The following ZMYM4 variants were observed in gnomAD, a reference collection of about 807,000 sequenced individuals.
The protein encoded by ZMYM4 is zinc finger MYM-type protein 4.
ZMYM4 carries 31 observed loss-of-function variants against 183.2 expected under a neutral mutation model. The observed-to-expected ratio is 0.17, with a 90% confidence interval of 0.13 to 0.23. The LOEUF (loss-of-function observed/expected upper bound fraction) is 0.23, where lower values mean the gene tolerates loss of function less well. Ranked by LOEUF, ZMYM4 falls within the 10% of genes least tolerant of loss-of-function variation. The probability of loss-of-function intolerance (pLI) is 1.00; values close to 1 mark genes in which losing one functional copy is unlikely to be tolerated. For missense variants in ZMYM4, 1,273 were observed against 1,840.3 expected (o/e 0.69, Z 5.64); for synonymous variants, 592 against 631.2 (o/e 0.94, Z 0.93).
Position 35,404,284 on chromosome 1 carries a change from C to T in ZMYM4, c.3529-739C>T, listed in dbSNP as rs549642149. On this transcript the variant is annotated intron_variant, in intron 23 of 29. Transcript: ENST00000314607. ...CTTGCCATGTTGCCCAGGCTTATTT[C>T]GAACTCCTGGGCTCAGTCTGCCCAC... Among the ~76,000 whole-genome samples the T allele has an allele frequency of 4.1e-4, 63 of 152,226 alleles. No individual in the cohort carries two copies. The South Asian group carries it at 0.013, about 31-fold the overall frequency.
intron 23 of ZMYM4, 83 bp downstream of exon 23, chr1:35,399,659 G>GGCTGTTACAGAGTTT: frequency 7.0e-7 from 1 of 1,431,934 alleles, no homozygotes; most frequent in Non-Finnish European, 9.7e-7. Context: ...TCAAAACTCT[G>GGCTGTTACAGAGTTT]TAACAGCCAG....
chr1:35,304,813 A>G (rs1194773107), intron 1 of ZMYM4, among the ~76,000 whole-genome samples: 3 of 150,104 alleles, frequency 2.0e-5, no homozygotes, highest in Non-Finnish European at 3.0e-5. Flanking sequence ...ATGGTCCAGC[A>G]TATAGTGTAT....
intron 9 of ZMYM4, among the ~76,000 whole-genome samples, chr1:35,382,648 C>T (rs566311973): frequency 1.9e-4 from 29 of 152,104 alleles, no homozygotes; most frequent in African/African-American, 6.5e-4. Flanking sequence ...TTTCACTATA[C>T]TGGCCAGGCT....
At chr1:35,378,711 T>C (rs568902061) in intron 7 of ZMYM4, among the ~76,000 whole-genome samples, 1 of 152,338 alleles carries the variant, frequency 6.6e-6, no homozygotes, top group African/African-American at 2.4e-5. Context: ...AAGCATTGAT[T>C]TCTCTCTGGC....
At chr1:35,386,235 A>G (rs1238766085) in intron 11 of ZMYM4, 46 bp downstream of exon 11, 2 of 1,375,266 alleles carry the variant, frequency 1.5e-6, no homozygotes, top group Non-Finnish European at 2.1e-6. Flanking sequence ...TGAGTCACCT[A>G]CTGTATGAGT....
intron 2 of ZMYM4, among the ~76,000 whole-genome samples, chr1:35,332,198 C>A (rs1030742568): frequency 2.0e-5 from 3 of 152,038 alleles, no homozygotes; most frequent in African/African-American, 7.2e-5. Context: ...AGAAATTTGA[C>A]ATTGTTAATC....
At chr1:35,380,922 A>G (rs1644444174) in intron 7 of ZMYM4, among the ~76,000 whole-genome samples, 1 of 152,210 alleles carries the variant, frequency 6.6e-6, no homozygotes, top group African/African-American at 2.4e-5. Context: ...AATATTTTGA[A>G]AATACAGATA....
intron 7 of ZMYM4, among the ~76,000 whole-genome samples, chr1:35,373,705 T>G (rs538545371): frequency 6.8e-6 from 1 of 146,836 alleles, no homozygotes; most frequent in African/African-American, 2.5e-5. Flanking sequence ...GCACGGCTAA[T>G]TTTTTATATG....
chr1:35,343,475 T>C (rs1373372009), intron 2 of ZMYM4, among the ~76,000 whole-genome samples: 1 of 152,178 alleles, frequency 6.6e-6, no homozygotes, highest in Non-Finnish European at 1.5e-5. Flanking sequence ...TTGACCAATG[T>C]TTTTGAGTCT....
At chr1:35,286,333 T>C (rs1036649062) in intron 1 of ZMYM4, among the ~76,000 whole-genome samples, 1 of 152,044 alleles carries the variant, frequency 6.6e-6, no homozygotes, top group East Asian at 1.9e-4. Context: ...AACACCTGTA[T>C]CCCTTTGACT....
chr1:35,373,698 C>T (rs919071375), intron 7 of ZMYM4, among the ~76,000 whole-genome samples: 8 of 146,704 alleles, frequency 5.5e-5, no homozygotes, highest in South Asian at 2.2e-4. Context: ...CGGCCCTGCA[C>T]GGCTAATTTT....
At chr1:35,414,133 C>A in intron 27 of ZMYM4, 50 bp downstream of exon 27, 1 of 1,149,240 alleles carries the variant, frequency 8.7e-7, no homozygotes, top group Non-Finnish European at 1.3e-6. Flanking sequence ...TCTTAAATTG[C>A]TTAACTTTTT....
intron 1 of ZMYM4, among the ~76,000 whole-genome samples, chr1:35,307,814 G>C (rs183478701): frequency 6.7e-6 from 1 of 150,284 alleles, no homozygotes; most frequent in East Asian, 2.0e-4. Flanking sequence ...GATTACAGGC[G>C]TGAGCCACCG....
chr1:35,269,690 C>G (rs1433606645), intron 1 of ZMYM4, among the ~76,000 whole-genome samples: 1 of 152,146 alleles, frequency 6.6e-6, no homozygotes, highest in Non-Finnish European at 1.5e-5. Flanking sequence ...GCCTCTTACT[C>G]GCAATTAGGG....
rs372540503 is a variant in ZMYM4, at chr1:35,378,991, G to A, written c.1182-2268G>A. 4.5e-4 allele frequency among the ~76,000 whole-genome samples: 69 copies of A among 152,264 alleles called. 1 individual carries two copies. The highest frequency in any genetic ancestry group is 1.6e-3 in the African/African-American group (67 of 41,546). On this transcript the variant is annotated intron_variant, in intron 7 of 29. Transcript: ENST00000314607. ...CTTCCTAGAATTCAAGAGAATTAGG[G>A]CCTTGCTCTGGATTAGGCTTTGGCT...
intron 1 of ZMYM4, among the ~76,000 whole-genome samples, chr1:35,321,246 T>A (rs921690465): frequency 3.9e-5 from 6 of 152,234 alleles, no homozygotes; most frequent in African/African-American, 1.4e-4. Flanking sequence ...CTGTGAATTC[T>A]ACTTTGTTCG....
At position 35,387,471 on chromosome 1, in the gene ZMYM4, C is replaced by T. The variant is rs1440913229; in HGVS notation, c.2130C>T (p.Phe710=). 1 of 1,607,552 alleles carries T rather than the reference C, an allele frequency of 6.2e-7. No individual in the cohort carries two copies. The highest frequency in any genetic ancestry group is 1.3e-5 in the African/African-American group (1 of 74,476). The change falls in exon 13 of 30, where the codon TTC becomes TTT. Residue 710 remains phenylalanine (F), a synonymous_variant. Coordinates refer to ENST00000314607, the MANE Select transcript of ZMYM4 (RefSeq NM_005095.3). ...LLDYKGKMFQ[F]CGKNCSDEYK... ...CTTTGCAGGGCAAAATGTTTCAGTTCTGTGGCAAGAATTGTTCTGATGAAT... is the reference window on the plus strand; with the variant it reads ...CTTTGCAGGGCAAAATGTTTCAGTTTTGTGGCAAGAATTGTTCTGATGAAT...
chr1:35,355,241 G>A (rs1263660988), intron 2 of ZMYM4, among the ~76,000 whole-genome samples: 1 of 135,864 alleles, frequency 7.4e-6, no homozygotes, highest in East Asian at 2.4e-4. Context: ...TAGAGACAGG[G>A]TTTCACTGTG....
chr1:35,328,454 A>ATTT (rs754078160), intron 2 of ZMYM4, among the ~76,000 whole-genome samples: 410 of 116,904 alleles, frequency 3.5e-3, no homozygotes, highest in East Asian at 6.0e-3. Flanking sequence ...TAATTTTTTA[A>ATTT]TTTTTTTTTT....
Sources: allele counts gnomAD v4.1 joint callset (sites outside exome capture counted in the v4.1 genomes callset), GRCh38; gene constraint gnomAD v4.1.1; transcripts MANE v1.5; gene names NCBI Gene and HGNC (gene_info 2026-07-23, HGNC 2026-07-21).